The following CAPN8 variants were observed in gnomAD, a reference collection of about 807,000 sequenced individuals.
CAPN8 encodes calpain 8.
CAPN8 carries 87 observed loss-of-function variants against 80.9 expected under a neutral mutation model. The observed-to-expected ratio is 1.07, with a 90% confidence interval of 0.90 to 1.28. CAPN8 has a LOEUF of 1.28. CAPN8 is among the 50% of genes most tolerant of loss of function. The pLI is 0.00. For missense variants in CAPN8, 757 were observed against 702.0 expected, an observed-to-expected ratio of 1.08 and a Z score of -0.89; for synonymous variants, 299 against 273.8, an observed-to-expected ratio of 1.09 and a Z score of -0.91.
chr1:223,609,779 T>A (rs1240915517), intron 11 of CAPN8, among the ~76,000 whole-genome samples: 8 of 152,212 alleles, frequency 5.3e-5, no homozygotes, highest in Admixed American at 4.6e-4. Context: ...GCTTAAATCC[T>A]AGTCCTCAAG....
chr1:223,622,968 AC>A (rs1290010764), intron 6 of CAPN8, 68 bp from the exon 7 acceptor site: 1 of 1,249,084 alleles, frequency 8.0e-7, no homozygotes. Context: ...GCATGTCTGC[AC>A]CTGACAGGAT....
chr1:223,617,693 G>A (rs1327851184), intron 9 of CAPN8: 1 of 152,448 alleles, frequency 6.6e-6, no homozygotes, highest in Non-Finnish European at 1.5e-5. Context: ...GGAAGAGAAT[G>A]GGCCATAAAA....
chr1:223,630,054 T>C (rs1341266222), intron 2 of CAPN8, among the ~76,000 whole-genome samples: 1 of 152,198 alleles, frequency 6.6e-6, no homozygotes, highest in Non-Finnish European at 1.5e-5. Flanking sequence ...GAACACATTA[T>C]GGTTTTCTCA....
intron 2 of CAPN8, among the ~76,000 whole-genome samples, chr1:223,630,396 G>A (rs1657741001): frequency 6.6e-6 from 1 of 152,052 alleles, no homozygotes; most frequent in African/African-American, 2.4e-5. Context: ...GAGTACAGTA[G>A]CGCCATCATG....
In CAPN8 at chr1:223,646,879, G is replaced by A. The variant is rs977970336; in HGVS notation, c.307+7451C>T. On this transcript the variant is annotated intron_variant, in intron 2 of 20. Coordinates refer to ENST00000366872, the MANE Select transcript of CAPN8 (RefSeq NM_001143962.2). ...TGTTAAAATAATTATCGCCTAGAAC[G>A]CAGAACAGATTCATTTTAACAAGCA... Among the ~76,000 whole-genome samples, 6 of 152,250 alleles carry A rather than the reference G, an allele frequency of 3.9e-5. No individual in the cohort carries two copies. The Middle Eastern group carries it at 0.01, about 259-fold the overall frequency.
chr1:223,552,756 C>T (rs1656825976), intron 14 of CAPN8, among the ~76,000 whole-genome samples: 1 of 152,000 alleles, frequency 6.6e-6, no homozygotes, highest in Admixed American at 6.6e-5. Flanking sequence ...ACAAGCCGAG[C>T]AAGGAGAGTG....
intron 10 of CAPN8, among the ~76,000 whole-genome samples, chr1:223,614,156 T>C (rs61825170): frequency 0.38 from 58,263 of 152,122 alleles, 11,319 homozygotes; most frequent in Non-Finnish European, 0.4. Flanking sequence ...GCCCGCACTT[T>C]GGGAGGCCAA....
At chr1:223,631,006 A>G (rs756127546) in intron 2 of CAPN8, among the ~76,000 whole-genome samples, 11 of 152,050 alleles carry the variant, frequency 7.2e-5, no homozygotes, top group South Asian at 2.1e-4. Flanking sequence ...ATGAAATACA[A>G]CCTAACAGGG....
intron 1 of CAPN8, among the ~76,000 whole-genome samples, chr1:223,661,938 A>G (rs1006495958): frequency 3.3e-5 from 5 of 152,212 alleles, no homozygotes; most frequent in African/African-American, 1.2e-4. Context: ...TGGACAAATG[A>G]ATAAACAAAA....
At chr1:223,615,141 T>C (rs1657133754) in intron 10 of CAPN8, among the ~76,000 whole-genome samples, 1 of 152,230 alleles carries the variant, frequency 6.6e-6, no homozygotes, top group Non-Finnish European at 1.5e-5. Flanking sequence ...ATTTTTTTCA[T>C]ACATTAATTT....
chr1:223,628,848 C>G, intron 2 of CAPN8, 68 bp from the exon 3 acceptor site: 1 of 1,266,202 alleles, frequency 7.9e-7, no homozygotes, highest in Non-Finnish European at 1.1e-6. Context: ...TTCTCTGACC[C>G]TGTCCCATTC....
intron 20 of CAPN8, 124 bp from the exon 21 acceptor site, chr1:223,541,983 C>A: frequency 1.4e-6 from 2 of 1,458,918 alleles, no homozygotes; most frequent in Non-Finnish European, 1.9e-6. Context: ...AAGTGCCTTG[C>A]TCAAACATGG....
At chr1:223,619,500 T>C in intron 8 of CAPN8, 47 bp from the exon 9 acceptor site, 2 of 1,547,412 alleles carry the variant, frequency 1.3e-6, no homozygotes, top group Non-Finnish European at 1.7e-6. Flanking sequence ...GGCTGGGTTG[T>C]GATTAAAGGC....
intron 1 of CAPN8, among the ~76,000 whole-genome samples, chr1:223,659,554 C>T (rs575093429): frequency 7.2e-5 from 11 of 152,304 alleles, no homozygotes; most frequent in South Asian, 4.1e-4. Context: ...GTCTCTATCC[C>T]GATTCTCTTC....
intron 15 of CAPN8, among the ~76,000 whole-genome samples, chr1:223,550,623 A>G (rs1656757622): frequency 6.6e-6 from 1 of 152,092 alleles, no homozygotes; most frequent in African/African-American, 2.4e-5. Context: ...CAAGTTATTA[A>G]TTTTGTGAAA....
intron 2 of CAPN8, among the ~76,000 whole-genome samples, chr1:223,629,232 T>TGTATG (rs68132305): frequency 0.023 from 3,018 of 132,602 alleles, 43 homozygotes; most frequent in South Asian, 0.082. Flanking sequence ...GTGTGTGTGT[T>TGTATG]TATGTTCCTT....
At chr1:223,628,357 T>C (rs903668899) in intron 3 of CAPN8, among the ~76,000 whole-genome samples, 1 of 152,158 alleles carries the variant, frequency 6.6e-6, no homozygotes, top group African/African-American at 2.4e-5. Context: ...ATCAGAGAAC[T>C]TGCCCAGCGC....
At chr1:223,616,182 G>A in intron 9 of CAPN8, 37 bp from the exon 10 acceptor site, 2 of 1,527,440 alleles carry the variant, frequency 1.3e-6, no homozygotes, top group Non-Finnish European at 1.8e-6. Context: ...TCCCCACGTA[G>A]CGGGTGAGGA....
intron 11 of CAPN8, among the ~76,000 whole-genome samples, chr1:223,610,812 G>A (rs1657011029): frequency 6.6e-6 from 1 of 152,160 alleles, no homozygotes; most frequent in Admixed American, 6.5e-5. Context: ...CAGGATGGAG[G>A]TTGGGCAGGT....
Sources: allele counts gnomAD v4.1 joint callset (sites outside exome capture counted in the v4.1 genomes callset), GRCh38; gene constraint gnomAD v4.1.1; transcripts MANE v1.5; gene names NCBI Gene and HGNC (gene_info 2026-07-23, HGNC 2026-07-21).